ENDOD1: variants seen among roughly 807,000 people sequenced by gnomAD.
ENDOD1 encodes endonuclease domain containing 1.
In ENDOD1, 9 loss-of-function variants were observed where a neutral mutation model predicts 6.5. The observed-to-expected ratio is 1.39, with a 90% confidence interval of 0.84 to 2.43. The LOEUF (loss-of-function observed/expected upper bound fraction) is 2.43, where lower values mean the gene tolerates loss of function less well. Among genes scored for constraint, ENDOD1 ranks in the 30% most tolerant of loss-of-function variants. ENDOD1 has a pLI of 0.00. For synonymous variants in ENDOD1, 255 were observed against 255.2 expected (o/e 1.00, Z 0.01); for missense variants, 648 against 635.5 (o/e 1.02, Z -0.21).
In ENDOD1 at chr11:95,128,430, C is replaced by A. The variant is rs1347566995; in HGVS notation, c.354C>A (p.Ile118=). 4.3e-6 allele frequency: 7 copies of A among 1,613,928 alleles called. No individual in the cohort carries two copies. The highest frequency in any genetic ancestry group is 5.1e-6 in the Non-Finnish European group (6 of 1,179,918). ...AGGCGATTAATGAGGCAGAGGCCAT[C>A]ACCTCTGTGAACAGCCTGGGAAGCA... ...LEEAINEAEA[I]TSVNSLGSKQ... is the part of the protein sequence containing the mutation. The change falls in exon 2 of 2, where the codon ATC becomes ATA. Residue 118 remains isoleucine (I), a synonymous_variant. Coordinates refer to ENST00000278505, the MANE Select transcript of ENDOD1 (RefSeq NM_015036.3).
At chr11:95,101,544 A>G (rs1830990408) in intron 1 of ENDOD1, among the ~76,000 whole-genome samples, 1 of 75,396 alleles carries the variant, frequency 1.3e-5, no homozygotes. Context: ...TAAAAATAAC[A>G]TATGCTTATG....
At chr11:95,107,275 A>G (rs993648579) in intron 1 of ENDOD1, among the ~76,000 whole-genome samples, 4 of 151,144 alleles carry the variant, frequency 2.6e-5, no homozygotes, top group African/African-American at 7.3e-5. Flanking sequence ...CGGAGCTTGC[A>G]GTGAGCAGAG....
rs573082039 is a variant in ENDOD1 at position 95,122,958 on chromosome 11, G to A, written c.301-5419G>A. Among the ~76,000 whole-genome samples the A allele has an allele frequency of 3.3e-5, 5 of 152,212 alleles. No homozygotes were observed. In the South Asian group the frequency reaches 1.0e-3, roughly 32 times the overall value. On this transcript the variant is annotated intron_variant, in intron 1 of 1. Coordinates refer to ENST00000278505, the MANE Select transcript of ENDOD1 (RefSeq NM_015036.3). ...AATCCCAGCACTTTGGGAGGCCGAG[G>A]CGGGCAGATCACTTGAGGTCAGGAG...
intron 1 of ENDOD1, among the ~76,000 whole-genome samples, chr11:95,106,504 T>C (rs1859090599): frequency 6.6e-6 from 1 of 152,170 alleles, no homozygotes. Flanking sequence ...AATCAGGAAG[T>C]AATAGGATGT....
Position 95,129,127 on chromosome 11 carries a change from G to A in ENDOD1, c.1051G>A (p.Val351Ile), listed in dbSNP as rs768638251. 17 of 1,614,068 alleles carry A rather than the reference G, an allele frequency of 1.1e-5. No homozygotes were observed. The Admixed American group carries it at 2.8e-4, about 27-fold the overall frequency. ...TTTTCAATTAATTTATTACCTTGTG[G>A]TAGCAATCCTGAAGAACATTGTCTA... The part of the protein sequence containing the change: ...KLFQLIYYLV[V>I]AILKNIVYFL... Residue 351 changes from valine (V) to isoleucine (I), a missense_variant, in exon 2 of 2, where the codon GTA becomes ATA. Coordinates refer to ENST00000278505, the MANE Select transcript of ENDOD1 (RefSeq NM_015036.3).
chr11:95,103,709 T>A (rs1859063097), intron 1 of ENDOD1, among the ~76,000 whole-genome samples: 1 of 152,196 alleles, frequency 6.6e-6, no homozygotes, highest in South Asian at 2.1e-4. Context: ...ACCTTGGAAA[T>A]GCTACCAAAT....
Position 95,128,845 on chromosome 11 carries a change from C to A in ENDOD1, c.769C>A (p.Leu257Met). Residue 257 changes from leucine (L) to methionine (M), a missense_variant, in exon 2 of 2, where the codon CTG becomes ATG. Coordinates refer to ENST00000278505, the MANE Select transcript of ENDOD1 (RefSeq NM_015036.3). Reference sequence around the variant, plus strand: ...TGTGATGGTAAAAGATCTTCAGAAACTGCTTCCATTTAACCCTCAGCTGTT... The same window carrying A: ...TGTGATGGTAAAAGATCTTCAGAAAATGCTTCCATTTAACCCTCAGCTGTT... The part of the protein sequence containing the change: ...EDVMVKDLQK[L>M]LPFNPQLFQN... The A allele has an allele frequency of 6.2e-7, 1 of 1,614,200 alleles. No individual in the cohort carries two copies. The highest frequency in any genetic ancestry group is 8.5e-7 in the Non-Finnish European group (1 of 1,180,040).
chr11:95,123,588 C>A (rs201918293), intron 1 of ENDOD1, among the ~76,000 whole-genome samples: 247 of 134,862 alleles, frequency 1.8e-3, no homozygotes, highest in East Asian at 3.7e-3. Context: ...GTATAAATAC[C>A]AAAAAAAAAA....
intron 1 of ENDOD1, among the ~76,000 whole-genome samples, chr11:95,120,816 C>T (rs528886235): frequency 3.3e-5 from 5 of 152,100 alleles, no homozygotes; most frequent in South Asian, 2.1e-4. Context: ...CCTACAGTGG[C>T]GAGGCTTGTG....
intron 1 of ENDOD1, among the ~76,000 whole-genome samples, chr11:95,116,081 G>A (rs1859206066): frequency 6.6e-6 from 1 of 152,048 alleles, no homozygotes; most frequent in Non-Finnish European, 1.5e-5. Flanking sequence ...TCTTCTTTAA[G>A]TGCCTGGTAG....
chr11:95,113,303 A>C (rs1230128329), intron 1 of ENDOD1, among the ~76,000 whole-genome samples: 2 of 152,008 alleles, frequency 1.3e-5, no homozygotes, highest in Admixed American at 6.6e-5. Context: ...GACTATATTC[A>C]CCCTATTGTG....
At chr11:95,122,589 T>TACACACACAC (rs55940348) in intron 1 of ENDOD1, among the ~76,000 whole-genome samples, 12,402 of 142,610 alleles carry the variant, frequency 0.087, 653 homozygotes, top group African/African-American at 0.15. Context: ...GCATTTAAGT[T>TACACACACAC]ACACACACAC....
chr11:95,118,729 C>A (rs1555112710), intron 1 of ENDOD1, among the ~76,000 whole-genome samples: 1 of 152,180 alleles, frequency 6.6e-6, no homozygotes, highest in Non-Finnish European at 1.5e-5. Context: ...CTGTTATTAT[C>A]CCTTTGAGTA....
Position 95,128,664 on chromosome 11 carries a change from A to G in ENDOD1, c.588A>G (p.Leu196=), listed in dbSNP as rs1859336977. The G allele has an allele frequency of 7.4e-6, 12 of 1,614,154 alleles. No individual in the cohort carries two copies. The highest frequency in any genetic ancestry group is 1.0e-5 in the Non-Finnish European group (12 of 1,180,030). Reference sequence around the variant, plus strand: ...CACAGTGTGGCAGTGGGGAAGACCTATATATCCTCACAGGCACAGTGCCCT... The same window carrying G: ...CACAGTGTGGCAGTGGGGAAGACCTGTATATCCTCACAGGCACAGTGCCCT... The part of the protein sequence containing the change: ...LTPQCGSGED[L]YILTGTVPSD... The change falls in exon 2 of 2, where the codon CTA becomes CTG. Residue 196 remains leucine, a synonymous_variant. Transcript: ENST00000278505.
intron 1 of ENDOD1, among the ~76,000 whole-genome samples, chr11:95,093,375 C>G (rs782054531): frequency 1.3e-4 from 20 of 152,200 alleles, no homozygotes; most frequent in Non-Finnish European, 2.8e-4. Context: ...TACACAGACC[C>G]CATCTTATCC....
chr11:95,102,036 C>T (rs1458269658), intron 1 of ENDOD1, among the ~76,000 whole-genome samples: 1 of 152,070 alleles, frequency 6.6e-6, no homozygotes, highest in Non-Finnish European at 1.5e-5. Context: ...GACCTTCCTT[C>T]TCCTTCCCTG....
At chr11:95,124,009 A>G (rs1362045644) in intron 1 of ENDOD1, among the ~76,000 whole-genome samples, 1 of 152,192 alleles carries the variant, frequency 6.6e-6, no homozygotes, top group Non-Finnish European at 1.5e-5. Context: ...ATTGCAAAGT[A>G]CTTAACTATA....
chr11:95,105,448 C>T (rs1202531851), intron 1 of ENDOD1, among the ~76,000 whole-genome samples: 4 of 151,626 alleles, frequency 2.6e-5, no homozygotes, highest in East Asian at 1.9e-4. Flanking sequence ...TTTTAAGTTC[C>T]GGGGTGCATG....
intron 1 of ENDOD1, among the ~76,000 whole-genome samples, chr11:95,116,416 T>G (rs1373568793): frequency 1.3e-5 from 2 of 152,206 alleles, no homozygotes; most frequent in African/African-American, 4.8e-5. Flanking sequence ...CTAAGTCAGT[T>G]TTGTTCAACT....
Sources: allele counts gnomAD v4.1 joint callset (sites outside exome capture counted in the v4.1 genomes callset), GRCh38; gene constraint gnomAD v4.1.1; transcripts MANE v1.5; gene names NCBI Gene and HGNC (gene_info 2026-07-23, HGNC 2026-07-21).